Variants in ABCC12 observed in about 807,000 individuals in gnomAD.
ABCC12 encodes ATP-binding cassette sub-family C member 12.
In ABCC12, 142 loss-of-function variants were observed where a neutral mutation model predicts 151.1. That is an observed-to-expected ratio of 0.94 (90% confidence interval 0.82 to 1.08). The LOEUF (loss-of-function observed/expected upper bound fraction) is 1.08, where lower values mean the gene tolerates loss of function less well. ABCC12 is among the 50% of genes least tolerant of loss of function. ABCC12 has a pLI of 0.00. For missense variants in ABCC12, 1,638 were observed against 1,691.1 expected (o/e 0.97, Z 0.55); for synonymous variants, 645 against 646.4 (o/e 1.00, Z 0.03).
In ABCC12 at chr16:48,107,434, G is replaced by A; in HGVS notation, c.2372-9C>T. On this transcript the variant is annotated splice_polypyrimidine_tract_variant and intron_variant, in intron 19 of 30. Transcript: ENST00000311303. ...GAGAGAAAGGAGGTACCCTGCAAGA[G>A]GAGCGGAGAGGCCCAAGGGGCTGCA... is the stretch of plus-strand genomic sequence containing the variant. The A allele has an allele frequency of 6.2e-7, 1 of 1,612,950 alleles. No individual in the cohort carries two copies. The highest frequency in any genetic ancestry group is 8.5e-7 in the Non-Finnish European group (1 of 1,178,914).
intron 7 of ABCC12, among the ~76,000 whole-genome samples, chr16:48,138,630 G>A (rs1380154252): frequency 6.6e-6 from 1 of 152,086 alleles, no homozygotes; most frequent in East Asian, 1.9e-4. Context: ...AATTGAAGAG[G>A]CATTCCACTT....
intron 7 of ABCC12, among the ~76,000 whole-genome samples, 173 bp from the exon 8 acceptor site, chr16:48,138,548 C>T (rs1262629595): frequency 1.3e-5 from 2 of 152,142 alleles, no homozygotes; most frequent in Admixed American, 6.6e-5. Flanking sequence ...TGAGGAACAC[C>T]ATGGGGGGTC....
chr16:48,115,294 G>T (rs1963836491), intron 15 of ABCC12, 121 bp downstream of exon 15: 1 of 1,176,244 alleles, frequency 8.5e-7, no homozygotes, highest in Non-Finnish European at 1.2e-6. Context: ...TGCATCCCTG[G>T]CTCCCTCCCC....
chr16:48,114,089 G>A (rs1033283667), intron 15 of ABCC12, among the ~76,000 whole-genome samples: 2 of 152,172 alleles, frequency 1.3e-5, no homozygotes, highest in African/African-American at 4.8e-5. Flanking sequence ...GAAGAACTAG[G>A]CCAGAAGAAG....
At chr16:48,104,394 CAG>C (rs1301857412) in intron 21 of ABCC12, 26 bp from the exon 22 acceptor site, 7 of 1,606,602 alleles carry the variant, frequency 4.4e-6, no homozygotes, top group East Asian at 2.2e-5. Flanking sequence ...GAGAGTCAAA[CAG>C]AGTCGAGATG....
chr16:48,139,633 C>T (rs1270890928), intron 6 of ABCC12, among the ~76,000 whole-genome samples: 1 of 152,190 alleles, frequency 6.6e-6, no homozygotes, highest in East Asian at 1.9e-4. Flanking sequence ...CCCCCTTCTC[C>T]CTCAGCCTTC....
intron 18 of ABCC12, among the ~76,000 whole-genome samples, chr16:48,109,718 C>T (rs756750046): frequency 1.6e-4 from 24 of 152,228 alleles, no homozygotes; most frequent in Non-Finnish European, 2.9e-4. Context: ...ATGAGGGAGA[C>T]GCCTCAGCGT....
chr16:48,117,180 G>A lies in ABCC12; in HGVS notation c.1785+81C>T, dbSNP rs192754855. 2.0e-5 allele frequency: 27 copies of A among 1,362,546 alleles called. No individual in the cohort carries two copies. The East Asian group carries it at 5.8e-4, about 29-fold the overall frequency. 84.4% of individuals were successfully genotyped at this position (1,362,546 alleles called of 1,614,324 possible). On this transcript the variant is annotated intron_variant, in intron 14 of 30. Coordinates refer to ENST00000311303, the MANE Select transcript of ABCC12 (RefSeq NM_001393797.1). ...TGGGGCATCTGGATGTGGAACAGGGGCTTGCTGGCCTCAGCCCTTTGGACC... is the reference window on the plus strand; with the variant it reads ...TGGGGCATCTGGATGTGGAACAGGGACTTGCTGGCCTCAGCCCTTTGGACC...
At position 48,101,011 on chromosome 16, in the gene ABCC12, T is replaced by C. The variant is rs374564911; in HGVS notation, c.2901-2A>G. ...TCCTGGACTCCTCTGTGGAAAATGCTGGAAGAAAATTGAAAGGGGCCAGGT... is the reference window on the plus strand; with the variant it reads ...TCCTGGACTCCTCTGTGGAAAATGCCGGAAGAAAATTGAAAGGGGCCAGGT... On this transcript the variant is annotated splice_acceptor_variant, in intron 22 of 30. Transcript: ENST00000311303. LOFTEE classifies it high-confidence loss of function. 1 of 1,613,832 alleles carries C rather than the reference T, an allele frequency of 6.2e-7. No homozygotes were observed. The highest frequency in any genetic ancestry group is 2.2e-5 in the East Asian group (1 of 44,870).
intron 15 of ABCC12, among the ~76,000 whole-genome samples, chr16:48,112,984 G>A (rs1444638946): frequency 6.6e-6 from 1 of 152,076 alleles, no homozygotes; most frequent in Non-Finnish European, 1.5e-5. Context: ...ATTTTGGAAT[G>A]AGACACAGAG....
chr16:48,126,493 A>G (rs147383312), intron 11 of ABCC12, among the ~76,000 whole-genome samples: 21 of 152,366 alleles, frequency 1.4e-4, no homozygotes, highest in Non-Finnish European at 2.8e-4. Flanking sequence ...GATGCCCTGT[A>G]GAACACTTGA....
In ABCC12 at chr16:48,106,610, C is replaced by G. The variant is rs546369109; in HGVS notation, c.2475+712G>C. ...CACAGAGCAGGCCACCCAGCAGCCT[C>G]TCCCCTGCCCCCATCTCCCCAGTGC... On this transcript the variant is annotated intron_variant, in intron 20 of 30. Coordinates refer to ENST00000311303, the MANE Select transcript of ABCC12 (RefSeq NM_001393797.1). Among the ~76,000 whole-genome samples, 4 of 152,306 alleles carry G rather than the reference C, an allele frequency of 2.6e-5. No individual in the cohort carries two copies. In the East Asian group the frequency reaches 7.7e-4, roughly 29 times the overall value.
intron 12 of ABCC12, among the ~76,000 whole-genome samples, chr16:48,123,922 G>A (rs1050765746): frequency 6.6e-6 from 1 of 152,242 alleles, no homozygotes; most frequent in Non-Finnish European, 1.5e-5. Flanking sequence ...GGATAACCAT[G>A]GGTTTAAGGA....
intron 11 of ABCC12, among the ~76,000 whole-genome samples, chr16:48,126,943 C>T (rs188183077): frequency 8.5e-5 from 13 of 152,238 alleles, no homozygotes; most frequent in Admixed American, 1.3e-4. Context: ...GGGAAGTTCA[C>T]GGAGGCCTCT....
chr16:48,138,265 C>T lies in ABCC12; in HGVS notation c.942G>A (p.Met314Ile). ...EFLTCIRLIKMYAWEKSFTNT... is the reference protein window; with the variant it reads ...EFLTCIRLIKIYAWEKSFTNT... ...TGGTAAAAGATTTCTCCCAGGCATA[C>T]ATTTTGATCAGCCTGATGCAGGTCA... is the stretch of plus-strand genomic sequence containing the variant. The change falls in exon 8 of 31, where the codon ATG becomes ATA. Residue 314 changes from methionine to isoleucine, a missense_variant. By Grantham distance (10) the Met-to-Ile change is conservative. Transcript: ENST00000311303. The T allele has an allele frequency of 1.9e-6, 3 of 1,612,204 alleles. No homozygotes were observed. The highest frequency in any genetic ancestry group is 2.5e-6 in the Non-Finnish European group (3 of 1,178,500).
chr16:48,091,363 G>C lies in ABCC12; in HGVS notation c.3196-154C>G, dbSNP rs914607781. ...GCCTGCCTTCCCAGCCAAGCGCCCA[G>C]AAGTAAAGATATTCCTGTTCGGGTG... On this transcript the variant is annotated intron_variant, in intron 24 of 30. Coordinates refer to ENST00000311303, the MANE Select transcript of ABCC12 (RefSeq NM_001393797.1). 3 of 674,936 alleles carry C rather than the reference G, an allele frequency of 4.4e-6. No homozygotes were observed. The East Asian group carries it at 8.0e-5, about 18-fold the overall frequency. The allele number at this position is 674,936 out of a possible 1,614,324, so 41.8% of individuals were successfully genotyped here.
intron 10 of ABCC12, 138 bp from the exon 11 acceptor site, chr16:48,128,875 T>C: frequency 1.0e-6 from 1 of 978,806 alleles, no homozygotes; most frequent in Non-Finnish European, 1.5e-6. Context: ...TCTGAAATTA[T>C]TCCCCCAGGA....
At chr16:48,100,762 T>C in intron 23 of ABCC12, 110 bp downstream of exon 23, 1 of 1,315,524 alleles carries the variant, frequency 7.6e-7, no homozygotes. Flanking sequence ...TTCCAGCTCT[T>C]TGTCTGTGAT....
intron 8 of ABCC12, among the ~76,000 whole-genome samples, chr16:48,134,046 T>C (rs552667224): frequency 6.6e-6 from 1 of 152,212 alleles, no homozygotes; most frequent in South Asian, 2.1e-4. Flanking sequence ...GTGGATGGTG[T>C]CCAACTTCCC....
Sources: gnomAD v4.1 joint callset for allele counts (sites outside exome capture counted in the v4.1 genomes callset) on GRCh38, gnomAD v4.1.1 for gene constraint, MANE v1.5 for transcripts, NCBI Gene and HGNC (gene_info 2026-07-23, HGNC 2026-07-21) for gene names.